The following FREM3 variants were observed in gnomAD, a reference collection of about 807,000 sequenced individuals.
FREM3 encodes FRAS1-related extracellular matrix protein 3.
In FREM3, 105 loss-of-function variants were observed where a neutral mutation model predicts 129.1. The observed-to-expected ratio is 0.81, with a 90% CI of 0.69 to 0.96. The LOEUF (loss-of-function observed/expected upper bound fraction) is 0.96. Ranked by LOEUF, FREM3 falls within the 40% of genes least tolerant of loss-of-function variation. The pLI is 0.00. For missense variants in FREM3, 2,593 were observed against 2,666.3 expected (o/e 0.97, Z 0.61); for synonymous variants, 1,014 against 1,044.9 (o/e 0.97, Z 0.57).
At chr4:143,647,031 A>G (rs1165948034) in intron 2 of FREM3, among the ~76,000 whole-genome samples, 4 of 152,166 alleles carry the variant, frequency 2.6e-5, no homozygotes, top group African/African-American at 9.7e-5. Flanking sequence ...CTTCCTAGAG[A>G]CTTGTTGAAT....
chr4:143,676,214 C>T (rs1029535172), intron 2 of FREM3, among the ~76,000 whole-genome samples: 4 of 152,048 alleles, frequency 2.6e-5, no homozygotes, highest in African/African-American at 9.7e-5. Context: ...GGCTTCATCC[C>T]TGGGATGCAA....
At chr4:143,666,968 G>T (rs1487200089) in intron 2 of FREM3, among the ~76,000 whole-genome samples, 1 of 152,104 alleles carries the variant, frequency 6.6e-6, no homozygotes, top group East Asian at 1.9e-4. Context: ...TATGGTATAT[G>T]AATTATATCT....
chr4:143,616,136 CAA>C (rs1202387197), intron 5 of FREM3, among the ~76,000 whole-genome samples: 2 of 152,096 alleles, frequency 1.3e-5, no homozygotes, highest in African/African-American at 4.8e-5. Flanking sequence ...AGATGAAAAA[CAA>C]AGTGCTTAAC....
intron 2 of FREM3, among the ~76,000 whole-genome samples, chr4:143,671,074 G>A (rs1739956760): frequency 6.6e-6 from 1 of 152,002 alleles, no homozygotes. Flanking sequence ...ATCCACAATG[G>A]TAATCAATAT....
At position 143,698,535 on chromosome 4, in the gene FREM3, G is replaced by A. The variant is rs561967792; in HGVS notation, c.2141C>T (p.Thr714Ile). Reference protein sequence around the residue: ...QLYPGTTLEMTVQEYQLTHFQ... With the variant: ...QLYPGTTLEMIVQEYQLTHFQ... ...GTGAGTGAGTTGGTATTCTTGTACA[G>A]TCATTTCTAGTGTAGTTCCTGGATA... The change falls in exon 1 of 8, where the codon ACT (threonine) becomes ATT (isoleucine). Residue 714 changes from threonine to isoleucine, a missense_variant. Thr to Ile is a moderately conservative substitution (Grantham distance 89). Coordinates refer to ENST00000329798, the MANE Select transcript of FREM3 (RefSeq NM_001168235.2). 4.6e-6 allele frequency: 7 copies of A among 1,537,664 alleles called. No homozygotes were observed. Among genetic ancestry groups the A allele is most frequent in the Non-Finnish European group, 6.1e-6 (7 of 1,146,996 alleles).
intron 6 of FREM3, among the ~76,000 whole-genome samples, chr4:143,601,117 G>A (rs1738565105): frequency 6.6e-6 from 1 of 152,100 alleles, no homozygotes; most frequent in Non-Finnish European, 1.5e-5. Context: ...AAAGCATAAT[G>A]ATACTATTTC....
chr4:143,580,982 C>T lies in FREM3; in HGVS notation c.6179-3130G>A, dbSNP rs542974963. Among the ~76,000 whole-genome samples the T allele has an allele frequency of 5.3e-5, 8 of 152,324 alleles. 1 individual carries two copies. Among genetic ancestry groups the T allele is most frequent in the Admixed American group, 2.6e-4 (4 of 15,312 alleles). ...CTAGGCTCTTGGCTGGTAGCAGCTC[C>T]GCACTTCCTTGGGACAGAGCTCCCA... On this transcript the variant is annotated intron_variant, in intron 7 of 7. Transcript: ENST00000329798.
chr4:143,583,054 T>C (rs1738175376), intron 7 of FREM3, among the ~76,000 whole-genome samples: 1 of 151,988 alleles, frequency 6.6e-6, no homozygotes, highest in African/African-American at 2.4e-5. Context: ...CTAATTTTTT[T>C]GTATTTTTTG....
intron 2 of FREM3, among the ~76,000 whole-genome samples, chr4:143,669,670 A>C (rs1292535087): frequency 2.6e-5 from 4 of 151,802 alleles, no homozygotes; most frequent in Admixed American, 6.6e-5. Flanking sequence ...AAAAAAAAAA[A>C]CCACAAGTCA....
At position 143,580,289 on chromosome 4, in the gene FREM3, A is replaced by G. The variant is rs562933782; in HGVS notation, c.6179-2437T>C. ...AGAGAACATAGAAGAGTGAGACAGG[A>G]CGGCTGCCCACCTAGGACTGGGGCA... On this transcript the variant is annotated intron_variant, in intron 7 of 7. Transcript: ENST00000329798. Among the ~76,000 whole-genome samples the G allele has an allele frequency of 1.1e-3, 160 of 152,174 alleles. 1 individual carries two copies. The highest frequency in any genetic ancestry group is 2.9e-3 in the Admixed American group (45 of 15,300).
intron 2 of FREM3, among the ~76,000 whole-genome samples, chr4:143,657,487 G>C (rs532778798): frequency 6.6e-6 from 1 of 152,256 alleles, no homozygotes; most frequent in East Asian, 1.9e-4. Context: ...AAACAGCAGA[G>C]CTGGGACTGA....
chr4:143,668,003 G>A (rs1034124712), intron 2 of FREM3, among the ~76,000 whole-genome samples: 4 of 152,166 alleles, frequency 2.6e-5, no homozygotes, highest in Non-Finnish European at 4.4e-5. Context: ...TATAATAAAA[G>A]TTGCTTATTA....
In FREM3 at chr4:143,624,238, C is replaced by T. The variant is rs1274549375; in HGVS notation, c.5523G>A (p.Trp1841Ter). Residue 1841 changes from tryptophan (W) to a stop codon, truncating the protein, a stop_gained, in exon 4 of 8, where the codon TGG becomes TGA. Transcript: ENST00000329798. LOFTEE classifies it high-confidence loss of function. ...CATTGTCAGGTATAATTCTCACCCT[C>T]CATGTGGCTGTAGTCTGTCCAGGAT... ...QFNPGQTTAT[W>*]RVRIIPDNEY... The T allele has an allele frequency of 1.3e-6, 2 of 1,536,174 alleles. No homozygotes were observed. The highest frequency in any genetic ancestry group is 2.0e-5 in the Admixed American group (1 of 51,008).
intron 1 of FREM3, among the ~76,000 whole-genome samples, chr4:143,693,561 A>T (rs1056780184): frequency 2.0e-5 from 3 of 152,186 alleles, no homozygotes; most frequent in African/African-American, 7.2e-5. Context: ...AGAGCTAAAA[A>T]CAGAACTATC....
chr4:143,590,468 A>G (rs995544365), intron 6 of FREM3, among the ~76,000 whole-genome samples: 122 of 152,312 alleles, frequency 8.0e-4, no homozygotes, highest in Non-Finnish European at 1.5e-3. Flanking sequence ...ATTTTGTCAA[A>G]GGCCTTTTCT....
chr4:143,622,314 G>C (rs912173696), intron 4 of FREM3, among the ~76,000 whole-genome samples: 1 of 151,324 alleles, frequency 6.6e-6, no homozygotes. Context: ...GGCTGGTCTC[G>C]AACTCCTGGA....
intron 2 of FREM3, among the ~76,000 whole-genome samples, chr4:143,674,337 C>A (rs1407658154): frequency 6.6e-6 from 1 of 152,160 alleles, no homozygotes; most frequent in African/African-American, 2.4e-5. Flanking sequence ...AGACAAGCAA[C>A]TGCTGAGAGA....
intron 2 of FREM3, among the ~76,000 whole-genome samples, chr4:143,683,267 C>T (rs551835067): frequency 1.3e-5 from 2 of 152,184 alleles, no homozygotes; most frequent in Non-Finnish European, 2.9e-5. Context: ...AAGAACAAAC[C>T]AGCAATCCCA....
Position 143,577,799 on chromosome 4 carries a change from G to A in FREM3, c.6232C>T (p.Arg2078Cys), listed in dbSNP as rs1021347474. The A allele has an allele frequency of 1.4e-5, 21 of 1,537,138 alleles. No individual in the cohort carries two copies. Among genetic ancestry groups the A allele is most frequent in the Middle Eastern group, 1.7e-4 (1 of 6,006 alleles). Residue 2078 changes from arginine (R) to cysteine (C), a missense_variant, in exon 8 of 8, where the codon CGC becomes TGC. Around this residue, in one of 2 missense-constraint regions of FREM3, gnomAD observed 317 missense variants for 399.0 expected, o/e 0.79. Coordinates refer to ENST00000329798, the MANE Select transcript of FREM3 (RefSeq NM_001168235.2). Reference protein sequence around the residue: ...SRNLDFAPGVRMQTFQVTILD... With the variant: ...SRNLDFAPGVCMQTFQVTILD... The stretch of plus-strand genomic sequence containing the variant: ...ATGGTCACTTGGAATGTCTGCATGC[G>A]CACGCCTGGAGCAAAGTCCAGGTTT...
Sources: gnomAD v4.1 joint callset for allele counts (sites outside exome capture counted in the v4.1 genomes callset) on GRCh38, gnomAD v4.1.1 for gene constraint, gnomAD v4.1.1 regional missense constraint, MANE v1.5 for transcripts, NCBI Gene and HGNC (gene_info 2026-07-23, HGNC 2026-07-21) for gene names.